Variants in ANKFY1 observed in about 807,000 individuals in gnomAD.
The protein encoded by ANKFY1 is ankyrin repeat and FYVE domain containing 1, also known as ankyrin repeat and FYVE domain-containing protein 1.
A neutral mutation model predicts 128.3 loss-of-function variants in ANKFY1; 47 were observed. That is an observed-to-expected ratio of 0.37 (90% CI 0.29 to 0.47). ANKFY1 has a LOEUF of 0.47. Among genes scored for constraint, ANKFY1 ranks in the 20% least tolerant of loss-of-function variants. The pLI is 1.00. For synonymous variants in ANKFY1, 553 were observed against 601.6 expected, an observed-to-expected ratio of 0.92 and a Z score of 1.18; for missense variants, 1,222 against 1,510.6, an observed-to-expected ratio of 0.81 and a Z score of 3.17.
At chr17:4,190,569 A>C (rs2059699746) in intron 10 of ANKFY1, among the ~76,000 whole-genome samples, 2 of 152,246 alleles carry the variant, frequency 1.3e-5, no homozygotes, top group Admixed American at 6.5e-5. Context: ...TCCTATTAGA[A>C]AATGCCCCTT....
In ANKFY1 at chr17:4,166,370, T is replaced by C. The variant is rs1377309272; in HGVS notation, c.*1409A>G. The stretch of plus-strand genomic sequence containing the variant: ...TATTAAATGTCTGAAAGAATCAGTA[T>C]GTATGATTGAGATTGTTAATCTCTG... On this transcript the variant is annotated 3_prime_UTR_variant, in exon 25 of 25. Coordinates refer to ENST00000341657, the MANE Select transcript of ANKFY1 (RefSeq NM_001330063.2). The C allele has an allele frequency of 6.6e-6, 1 of 152,668 alleles. No individual in the cohort carries two copies. Among genetic ancestry groups the C allele is most frequent in the Non-Finnish European group, 1.5e-5 (1 of 68,044 alleles). 9.5% of individuals were successfully genotyped at this position (152,668 alleles called of 1,614,324 possible). A position where few individuals can be genotyped will look rare whatever the true frequency, so the allele number is the denominator to read the frequency against.
At chr17:4,262,029 C>A (rs1968444503) in intron 1 of ANKFY1, among the ~76,000 whole-genome samples, 1 of 152,184 alleles carries the variant, frequency 6.6e-6, no homozygotes, top group African/African-American at 2.4e-5. Context: ...AAAGTAAAGA[C>A]AAAAACTGGG....
intron 14 of ANKFY1, among the ~76,000 whole-genome samples, chr17:4,182,913 C>CTGGCCA (rs1484477540): frequency 3.3e-5 from 5 of 152,028 alleles, no homozygotes; most frequent in South Asian, 2.1e-4. Context: ...CGAGACCAGC[C>CTGGCCA]TGGCCAACAT....
Position 4,181,151 on chromosome 17 carries a change from C to T in ANKFY1, c.2240+103G>A, listed in dbSNP as rs1479204961. The T allele has an allele frequency of 2.8e-5, 26 of 928,108 alleles. No homozygotes were observed. Among genetic ancestry groups the T allele is most frequent in the Non-Finnish European group, 3.4e-5 (20 of 587,778 alleles). The allele number at this position is 928,108 out of a possible 1,614,324, so 57.5% of individuals were successfully genotyped here. A position where few individuals can be genotyped will look rare whatever the true frequency, so the allele number is the denominator to read the frequency against. ...ATAACCTTAACTGTGAAAGTCAAGC[C>T]GGCTACTGGCATGCCAAGACTATAG... On this transcript the variant is annotated intron_variant, in intron 16 of 24. Transcript: ENST00000341657. This position sits in a 1 kb window ranked among gnomAD's most constrained non-coding sequence, Gnocchi z 4.9.
chr17:4,186,128 C>A (rs2059606753), intron 11 of ANKFY1, among the ~76,000 whole-genome samples: 1 of 152,334 alleles, frequency 6.6e-6, no homozygotes, highest in East Asian at 1.9e-4. Context: ...CGTATGCACA[C>A]ACACATGCAT....
At chr17:4,233,791 A>G (rs2060554729) in intron 3 of ANKFY1, among the ~76,000 whole-genome samples, 1 of 152,210 alleles carries the variant, frequency 6.6e-6, no homozygotes, top group East Asian at 1.9e-4. Flanking sequence ...CCAGCAGAGT[A>G]CGGGCTCCGT....
intron 3 of ANKFY1, among the ~76,000 whole-genome samples, chr17:4,226,659 C>T (rs1188081807): frequency 6.6e-6 from 1 of 151,178 alleles, no homozygotes. Context: ...TGCAGAGTTG[C>T]TTGAACCTGG....
At chr17:4,194,163 C>T (rs571486066) in intron 10 of ANKFY1, among the ~76,000 whole-genome samples, 6 of 132,114 alleles carry the variant, frequency 4.5e-5, no homozygotes, top group Admixed American at 1.7e-4. Flanking sequence ...GGCTGGAGTG[C>T]GATGGCACGA....
At position 4,178,811 on chromosome 17, in the gene ANKFY1, G is replaced by A. The variant is rs958206267; in HGVS notation, c.2598+46C>T. On this transcript the variant is annotated intron_variant, in intron 18 of 24. Transcript: ENST00000341657. The surrounding 1 kb of genome is among the most constrained non-coding windows in gnomAD (Gnocchi z 4.1). ...GACATCTGTCTAGTCTCCAGGTTCC[G>A]CGACGCCCAGGACCATGTGGAGAAG... 13 of 1,583,604 alleles carry A rather than the reference G, an allele frequency of 8.2e-6. No homozygotes were observed. The African/African-American group carries it at 9.4e-5, about 11-fold the overall frequency.
intron 7 of ANKFY1, among the ~76,000 whole-genome samples, chr17:4,200,729 G>A (rs2059913057): frequency 2.0e-5 from 3 of 152,218 alleles, no homozygotes; most frequent in Admixed American, 6.5e-5. Context: ...CATAGGATGT[G>A]CTTTTGTCTT....
rs2142999274 is a variant in ANKFY1 at position 4,169,663 on chromosome 17, AG to A, written c.3287-376del. On this transcript the variant is annotated intron_variant, in intron 23 of 24. Coordinates refer to ENST00000341657, the MANE Select transcript of ANKFY1 (RefSeq NM_001330063.2). The surrounding 1 kb of genome is among the most constrained non-coding windows in gnomAD (Gnocchi z 5.0). Reference sequence around the variant, plus strand: ...GGGACTAAGACAAGAGAAATTGAGGAGGCAAAATCTGTAACTCAGTGACTGA... The same window carrying A: ...GGGACTAAGACAAGAGAAATTGAGGAGCAAAATCTGTAACTCAGTGACTGA... 6.6e-6 allele frequency among the ~76,000 whole-genome samples: 1 copy of A among 152,228 alleles called. No homozygotes were observed. Among genetic ancestry groups the A allele is most frequent in the Admixed American group, 6.5e-5 (1 of 15,286 alleles).
chr17:4,201,143 G>GA (rs1292065793), intron 7 of ANKFY1, among the ~76,000 whole-genome samples: 1 of 152,116 alleles, frequency 6.6e-6, no homozygotes, highest in Non-Finnish European at 1.5e-5. Flanking sequence ...AAATCCTCCT[G>GA]CCTCAGCCTC....
rs535330839 is a variant in ANKFY1 at position 4,164,378 on chromosome 17, G to A, written c.*3401C>T. 1 of 152,786 alleles carries A rather than the reference G, an allele frequency of 6.5e-6. No homozygotes were observed. The highest frequency in any genetic ancestry group is 2.1e-4 in the South Asian group (1 of 4,830). The allele number at this position is 152,786 out of a possible 1,614,324, so 9.5% of individuals were successfully genotyped here. ...TTCAGGGTTTTTATCTTGCCAGTCA[G>A]CTCTCACTAAAGTACTTCCACAGAG... is the stretch of plus-strand genomic sequence containing the variant. On this transcript the variant is annotated 3_prime_UTR_variant, in exon 25 of 25. Coordinates refer to ENST00000341657, the MANE Select transcript of ANKFY1 (RefSeq NM_001330063.2).
At chr17:4,171,423 C>T (rs560469202) in intron 22 of ANKFY1, among the ~76,000 whole-genome samples, 10 of 152,318 alleles carry the variant, frequency 6.6e-5, no homozygotes, top group Non-Finnish European at 1.0e-4. Context: ...AGCTAACTGT[C>T]GCTCCCTCTG....
intron 7 of ANKFY1, among the ~76,000 whole-genome samples, chr17:4,205,539 G>A (rs576970825): frequency 1.3e-5 from 2 of 152,140 alleles, no homozygotes; most frequent in South Asian, 4.1e-4. Context: ...TCAGGAGATC[G>A]AGACCATCCT....
rs114255579 is a variant in ANKFY1, at chr17:4,184,619, C to T, written c.1699+199G>A. Among the ~76,000 whole-genome samples, 4,042 of 152,230 alleles carry T rather than the reference C, an allele frequency of 0.027. 119 individuals are homozygous for T. Among genetic ancestry groups the T allele is most frequent in the African/African-American group, 0.077 (3,204 of 41,518 alleles). On this transcript the variant is annotated intron_variant, in intron 12 of 24. Transcript: ENST00000341657. ...ACCTAACAAATGAAATGGGCAGGCC[C>T]CATCCTGAAAACACACACAGGGAAG... is the stretch of plus-strand genomic sequence containing the variant.
At chr17:4,195,830 T>C (rs1438505675) in intron 8 of ANKFY1, among the ~76,000 whole-genome samples, 1 of 151,768 alleles carries the variant, frequency 6.6e-6, no homozygotes, top group African/African-American at 2.4e-5. Flanking sequence ...AAGGAAACTC[T>C]CCCCCATAAT....
intron 2 of ANKFY1, among the ~76,000 whole-genome samples, chr17:4,238,916 G>A (rs1047467090): frequency 1.7e-4 from 26 of 152,238 alleles, no homozygotes; most frequent in African/African-American, 3.6e-4. Context: ...GTGCCGCTAC[G>A]CCCAGCTAAT....
intron 10 of ANKFY1, among the ~76,000 whole-genome samples, chr17:4,189,840 T>C (rs982287109): frequency 1.3e-5 from 2 of 149,712 alleles, no homozygotes; most frequent in African/African-American, 5.1e-5. Flanking sequence ...AGGTACTCTC[T>C]GTATGTGGAC....
Sources: gnomAD v4.1 joint callset for allele counts (sites outside exome capture counted in the v4.1 genomes callset) on GRCh38, gnomAD v4.1.1 for gene constraint, Gnocchi (gnomAD v3.1) non-coding constraint, MANE v1.5 for transcripts, NCBI Gene and HGNC (gene_info 2026-07-23, HGNC 2026-07-21) for gene names.